XG: variants seen among roughly 807,000 people sequenced by gnomAD.
The protein encoded by XG is Xg glycoprotein (Xg blood group), also known as glycoprotein Xg.
In XG, 24 loss-of-function variants were observed where a neutral mutation model predicts 25.7. The ratio of observed to expected loss-of-function variants is 0.93; its 90% CI spans 0.68 to 1.31. The LOEUF (loss-of-function observed/expected upper bound fraction) is 1.31. XG is among the 40% of genes most tolerant of loss of function. The pLI is 0.00. For synonymous variants in XG, 77 were observed against 69.2 expected (o/e 1.11, Z -0.56); for missense variants, 181 against 187.6 (o/e 0.96, Z 0.21).
rs2087022060 is a variant in XG, at chrX:2,808,179, T to C, written c.419-6T>C. 1 of 1,208,883 alleles carries C rather than the reference T, an allele frequency of 8.3e-7. No individual in the cohort carries two copies. The highest frequency in any genetic ancestry group is 1.1e-6 in the Non-Finnish European group (1 of 894,904). On this transcript the variant is annotated splice_region_variant and splice_polypyrimidine_tract_variant and intron_variant, in intron 8 of 10. Transcript: ENST00000644266. ...AATAAACACGAACATCCTTTTCCGC[T>C]TACAGGTGGAGATCACCATTCAACG...
chrX:2,810,062 G>C (rs1274530529), intron 9 of XG, among the ~76,000 whole-genome samples: 1 of 111,866 alleles, frequency 8.9e-6, no homozygotes, highest in Admixed American at 9.5e-5. Context: ...TCTCTCCCAG[G>C]AGGCAGGGTG....
In XG at chrX:2,781,233, A is replaced by G. The variant is rs773120943; in HGVS notation, c.128-833A>G. 6.6e-5 allele frequency among the ~76,000 whole-genome samples: 10 copies of G among 151,574 alleles called. No individual in the cohort carries two copies. The South Asian group carries it at 2.1e-3, about 32-fold the overall frequency. On this transcript the variant is annotated intron_variant, in intron 3 of 10. Coordinates refer to ENST00000644266, the MANE Select transcript of XG (RefSeq NM_001141919.2). ...GCCTTAAAGCATGACAAAATAATGAATGAATTCTTAACAGGACCCATTTAG... is the reference window on the plus strand; with the variant it reads ...GCCTTAAAGCATGACAAAATAATGAGTGAATTCTTAACAGGACCCATTTAG...
At chrX:2,806,198 A>AT (rs1296662341) in intron 7 of XG, among the ~76,000 whole-genome samples, 103 of 100,916 alleles carry the variant, frequency 1.0e-3, no homozygotes, top group East Asian at 9.1e-3. Context: ...ACACCCAGCT[A>AT]TTTTTTTTTT....
intron 1 of XG, among the ~76,000 whole-genome samples, chrX:2,757,018 G>A (rs1273747790): frequency 6.6e-6 from 1 of 152,206 alleles, no homozygotes; most frequent in Admixed American, 6.5e-5. Context: ...CCAGCTGAAG[G>A]ATGGTAAATG....
intron 1 of XG, among the ~76,000 whole-genome samples, chrX:2,755,893 G>A (rs1364707333): frequency 2.0e-5 from 3 of 152,098 alleles, no homozygotes; most frequent in African/African-American, 7.2e-5. Flanking sequence ...AAGTACTTAA[G>A]AAAACAGATT....
chrX:2,757,971 C>CAAAAAAAA (rs59540338), intron 1 of XG, among the ~76,000 whole-genome samples: 1 of 88,648 alleles, frequency 1.1e-5, no homozygotes, highest in Non-Finnish European at 2.2e-5. Context: ...GACTCCATCT[C>CAAAAAAAA]AAAAAAAAAA....
chrX:2,780,496 G>C (rs1053004346), intron 3 of XG, among the ~76,000 whole-genome samples: 1 of 150,582 alleles, frequency 6.6e-6, no homozygotes, highest in Non-Finnish European at 1.5e-5. Context: ...TTGGGAGGCC[G>C]AGGTGGGTGG....
chrX:2,794,522 C>T lies in XG; in HGVS notation c.254-13C>T, dbSNP rs780292157. The T allele has an allele frequency of 5.0e-6, 6 of 1,208,736 alleles. No individual in the cohort carries two copies. In the South Asian group the frequency reaches 1.1e-4, roughly 21 times the overall value. Reference sequence around the variant, plus strand: ...GAGGTCTCATGAGCAATGCCGCGTGCTCTGCCCCACAGGTTACTTCAATGA... The same window carrying T: ...GAGGTCTCATGAGCAATGCCGCGTGTTCTGCCCCACAGGTTACTTCAATGA... On this transcript the variant is annotated splice_polypyrimidine_tract_variant and intron_variant, in intron 5 of 10. Transcript: ENST00000644266.
At chrX:2,784,463 G>T (rs1327630461) in intron 4 of XG, among the ~76,000 whole-genome samples, 1 of 109,100 alleles carries the variant, frequency 9.2e-6, no homozygotes, top group Non-Finnish European at 1.9e-5. Context: ...CCAGCAACTC[G>T]AGAGGCTGAG....
chrX:2,768,582 A>G (rs2050749595), intron 1 of XG, among the ~76,000 whole-genome samples: 1 of 152,162 alleles, frequency 6.6e-6, no homozygotes. Context: ...AGCCTGGCCA[A>G]CATGGTGAAA....
At chrX:2,771,798 C>T (rs1485837288) in intron 2 of XG, among the ~76,000 whole-genome samples, 1 of 152,210 alleles carries the variant, frequency 6.6e-6, no homozygotes, top group East Asian at 1.9e-4. Flanking sequence ...ACTCATCTCT[C>T]TCCCAGTTTT....
At chrX:2,808,020 C>T (rs2087019780) in intron 8 of XG, among the ~76,000 whole-genome samples, 165 bp from the exon 9 acceptor site, 1 of 111,454 alleles carries the variant, frequency 9.0e-6, no homozygotes, top group Non-Finnish European at 1.9e-5. Context: ...CACATTCCTC[C>T]TCCTTATGCT....
chrX:2,757,919 C>G (rs2050469412), intron 1 of XG, among the ~76,000 whole-genome samples: 1 of 139,366 alleles, frequency 7.2e-6, no homozygotes, highest in Non-Finnish European at 1.5e-5. Flanking sequence ...TTGCAATCAG[C>G]TGAGATCATA....
In XG at chrX:2,806,704, G is replaced by T. The variant is rs1236903818; in HGVS notation, c.377G>T (p.Arg126Ile). 3.5e-6 allele frequency: 4 copies of T among 1,146,730 alleles called. No individual in the cohort carries two copies. The East Asian group carries it at 9.9e-5, about 28-fold the overall frequency. 94.5% of individuals were successfully genotyped at this position (1,146,730 alleles called of 1,213,427 possible). A position where few individuals can be genotyped will look rare whatever the true frequency, so the allele number is the denominator to read the frequency against. The change falls in exon 8 of 11, where the codon AGA becomes ATA. Residue 126 changes from arginine (R) to isoleucine (I), a missense_variant. Arg to Ile is a moderately conservative substitution (Grantham distance 97). Coordinates refer to ENST00000644266, the MANE Select transcript of XG (RefSeq NM_001141919.2). The stretch of plus-strand genomic sequence containing the variant: ...TGGTCTCTTTTCTATCCTGCAGGAA[G>T]AGGGGGCTATAGACTCAACTCTCGT... ...SYGNSDNTHG[R>I]GGYRLNSRYG...
intron 4 of XG, among the ~76,000 whole-genome samples, chrX:2,782,508 G>T (rs2086739887): frequency 9.0e-6 from 1 of 111,565 alleles, no homozygotes; most frequent in African/African-American, 3.3e-5. Context: ...AACATCTGGG[G>T]ATCAGGGTTG....
At chrX:2,777,929 C>T (rs1030727933) in intron 3 of XG, among the ~76,000 whole-genome samples, 2 of 151,854 alleles carry the variant, frequency 1.3e-5, no homozygotes, top group Admixed American at 6.6e-5. Context: ...ATGCTATTTA[C>T]GAGAGAAGCA....
At chrX:2,770,025 G>A (rs984297700) in intron 1 of XG, among the ~76,000 whole-genome samples, 2 of 147,300 alleles carry the variant, frequency 1.4e-5, no homozygotes, top group African/African-American at 2.5e-5. Flanking sequence ...GTGGAGGGGT[G>A]GGGGGGGCGT....
rs2050345853 is a variant in XG, at chrX:2,752,262, C to A, written c.-13C>A. Reference sequence around the variant, plus strand: ...GGGGAGTCCACTGAGGTTCTTGCATCCTGAAGCAAACCATGGAGAGCTGGT... The same window carrying A: ...GGGGAGTCCACTGAGGTTCTTGCATACTGAAGCAAACCATGGAGAGCTGGT... On this transcript the variant is annotated 5_prime_UTR_variant, in exon 1 of 11. Transcript: ENST00000644266. 5 of 1,613,626 alleles carry A rather than the reference C, an allele frequency of 3.1e-6. No homozygotes were observed. In the African/African-American group the frequency reaches 5.3e-5, roughly 17 times the overall value.
chrX:2,791,519 C>T, intron 5 of XG, among the ~76,000 whole-genome samples: 1 of 109,153 alleles, frequency 9.2e-6, no homozygotes, highest in Non-Finnish European at 1.9e-5. Flanking sequence ...CCACCTCCTG[C>T]AAGTCTCCAA....
Sources: gnomAD v4.1 joint callset for allele counts (sites outside exome capture counted in the v4.1 genomes callset) on GRCh38, gnomAD v4.1.1 for gene constraint, MANE v1.5 for transcripts, NCBI Gene and HGNC (gene_info 2026-07-23, HGNC 2026-07-21) for gene names.